TRIM7: variants seen among roughly 807,000 people sequenced by gnomAD.
TRIM7 encodes E3 ubiquitin-protein ligase TRIM7.
In TRIM7, 32 loss-of-function variants were observed where a neutral mutation model predicts 37.9. The observed-to-expected ratio is 0.84, with a 90% CI of 0.64 to 1.13. The LOEUF (loss-of-function observed/expected upper bound fraction) is 1.13, where lower values mean the gene tolerates loss of function less well. TRIM7 is among the 50% of genes most tolerant of loss of function. The pLI is 0.00. For missense variants in TRIM7, 732 were observed against 714.0 expected (o/e 1.03, Z -0.29); for synonymous variants, 351 against 321.3 (o/e 1.09, Z -0.99).
At chr5:181,203,333 A>G (rs1281595703) in intron 2 of TRIM7, 8 of 1,359,684 alleles carry the variant, frequency 5.9e-6, no homozygotes, top group Non-Finnish European at 7.6e-6. Context: ...GTTGTTTTGC[A>G]ATAATTATTT....
At chr5:181,203,246 A>T in intron 2 of TRIM7, 1 of 1,217,806 alleles carries the variant, frequency 8.2e-7, no homozygotes, top group Non-Finnish European at 1.0e-6. Context: ...ATGCTTCCGC[A>T]GGCCCTAACT....
At chr5:181,195,781 T>C in intron 6 of TRIM7, 104 bp from the exon 7 acceptor site, 1 of 1,427,650 alleles carries the variant, frequency 7.0e-7, no homozygotes, top group Non-Finnish European at 9.3e-7. Context: ...TGCCTTTCCC[T>C]CTAGAATCCC....
At chr5:181,203,844 T>A (rs1757658347) in intron 1 of TRIM7, 1 of 1,333,696 alleles carries the variant, frequency 7.5e-7, no homozygotes, top group Non-Finnish European at 9.6e-7. Flanking sequence ...AAGCATCTGC[T>A]GGACCAGCCA....
At position 181,204,936 on chromosome 5, in the gene TRIM7, G is replaced by T. The variant is rs753990124; in HGVS notation, c.175C>A (p.Arg59Ser). 2.8e-6 allele frequency: 4 copies of T among 1,414,442 alleles called. 1 individual carries two copies. The South Asian group carries it at 4.5e-5, about 16-fold the overall frequency. The allele number at this position is 1,414,442 out of a possible 1,614,324, so 87.6% of individuals were successfully genotyped here. The change falls in exon 1 of 7, where the codon CGC becomes AGC. Residue 59 changes from arginine to serine, a missense_variant. By Grantham distance (110) the Arg-to-Ser change is moderately radical (BLOSUM62 -1). Coordinates refer to ENST00000274773, the MANE Select transcript of TRIM7 (RefSeq NM_203293.3). ...GCCCCAACAGACCCCGCGCCCGGGC[G>T]CTCCCAGCAGCGCCCTATGCAGGCG... ...CRACIGRCWE[R>S]PGAGSVGAAT...
chr5:181,198,369 GA>G (rs1757265251), intron 5 of TRIM7, 151 bp from the exon 6 acceptor site: 3 of 837,974 alleles, frequency 3.6e-6, no homozygotes, highest in Non-Finnish European at 5.8e-6. Flanking sequence ...CAAGCATGGG[GA>G]GCGGGGGGCA....
In TRIM7 at chr5:181,198,192, CT is replaced by C; in HGVS notation, c.1014del (p.Glu339ArgfsTer85). The C allele has an allele frequency of 1.2e-6, 2 of 1,614,166 alleles. No individual in the cohort carries two copies. Among genetic ancestry groups the C allele is most frequent in the Non-Finnish European group, 1.7e-6 (2 of 1,180,014 alleles). The stretch of plus-strand genomic sequence containing the variant: ...ACAGCACCATCCCTACCTTTCTCCT[CT>C]TTCTCCAGCTCTCCCCGAAGGTCCT... ...FKEDLRGELE[K>X]EEKVELTLDP... On this transcript the variant is annotated frameshift_variant, in exon 6 of 7. Transcript: ENST00000274773. LOFTEE classifies it low-confidence loss of function (END_TRUNC).
chr5:181,195,346 G>A lies in TRIM7; in HGVS notation c.1356C>T (p.Pro452=). 6.3e-7 allele frequency: 1 copy of A among 1,583,690 alleles called. No individual in the cohort carries two copies. Reference sequence around the variant, plus strand: ...CGCGCGACAGGTGCCCGCAGCTGAGGGGCGACCGCTCGGGGCTGGTCACGG... The same window carrying A: ...CGCGCGACAGGTGCCCGCAGCTGAGAGGCGACCGCTCGGGGCTGGTCACGG... ...YWAVTSPERS[P]LSCGHLSRVR... The change falls in exon 7 of 7, where the codon CCC becomes CCT. Residue 452 remains proline (P), a synonymous_variant. Transcript: ENST00000274773.
At chr5:181,202,178 C>CT (rs71593427) in intron 2 of TRIM7, 2,248 of 131,830 alleles carry the variant, frequency 0.017, 46 homozygotes, top group South Asian at 0.065. Flanking sequence ...TCCTTTCATT[C>CT]TTTTTTTTTT....
At chr5:181,204,059 G>T (rs1396379820) in intron 1 of TRIM7, 9 of 1,000,930 alleles carry the variant, frequency 9.0e-6, no homozygotes, top group Non-Finnish European at 1.1e-5. Context: ...CAAAGAAAGG[G>T]CCCCCAGAAT....
intron 2 of TRIM7, among the ~76,000 whole-genome samples, chr5:181,201,945 A>G (rs1205071034): frequency 6.6e-6 from 1 of 152,154 alleles, no homozygotes; most frequent in Non-Finnish European, 1.5e-5. Context: ...GGAGGGATGA[A>G]GGTCTAGAGG....
Position 181,205,028 on chromosome 5 carries a change from G to C in TRIM7, c.83C>G (p.Thr28Arg), listed in dbSNP as rs1217049680. The C allele has an allele frequency of 1.4e-6, 2 of 1,452,248 alleles. No individual in the cohort carries two copies. Among genetic ancestry groups the C allele is most frequent in the African/African-American group, 3.0e-5 (2 of 67,664 alleles). 90.0% of individuals were successfully genotyped at this position (1,452,248 alleles called of 1,614,324 possible). A position where few individuals can be genotyped will look rare whatever the true frequency, so the allele number is the denominator to read the frequency against. The change falls in exon 1 of 7, where the codon ACG (threonine) becomes AGG (arginine). Residue 28 changes from threonine to arginine, a missense_variant. Transcript: ENST00000274773. ...AAAGAGCTCTAGGCAGATGGAGCACGTCGCCTCGCCCTGCAGCTCTGCCGC... is the reference window on the plus strand; with the variant it reads ...AAAGAGCTCTAGGCAGATGGAGCACCTCGCCTCGCCCTGCAGCTCTGCCGC... ...ALAAELQGEA[T>R]CSICLELFRE... is the part of the protein sequence containing the mutation.
rs1372007037 is a variant in TRIM7 at position 181,204,624 on chromosome 5, C to A, written c.487G>T (p.Val163Leu). 2 of 1,470,346 alleles carry A rather than the reference C, an allele frequency of 1.4e-6. No individual in the cohort carries two copies. Among genetic ancestry groups the A allele is most frequent in the Non-Finnish European group, 1.8e-6 (2 of 1,124,052 alleles). 91.1% of individuals were successfully genotyped at this position (1,470,346 alleles called of 1,614,324 possible). A position where few individuals can be genotyped will look rare whatever the true frequency, so the allele number is the denominator to read the frequency against. The change falls in exon 1 of 7, where the codon GTG becomes TTG. Residue 163 changes from valine to leucine, a missense_variant. Coordinates refer to ENST00000274773, the MANE Select transcript of TRIM7 (RefSeq NM_203293.3). ...TGCACCGCCTCGTCCAGCGGCAGCA[C>A]GGCGTGCTCGCGGTGCTCGCGGGCG... ...DRAREHREHA[V>L]LPLDEAVQEA... is the part of the protein sequence containing the mutation.
rs933396997 is a variant in TRIM7 at position 181,204,914 on chromosome 5, C to G, written c.197G>C (p.Gly66Ala). 79 of 1,385,852 alleles carry G rather than the reference C, an allele frequency of 5.7e-5. No homozygotes were observed. In the African/African-American group the frequency reaches 1.1e-3, roughly 20 times the overall value. 85.8% of individuals were successfully genotyped at this position (1,385,852 alleles called of 1,614,324 possible). A position where few individuals can be genotyped will look rare whatever the true frequency, so the allele number is the denominator to read the frequency against. The change falls in exon 1 of 7, where the codon GGG (glycine) becomes GCG (alanine). Residue 66 changes from glycine (G) to alanine (A), a missense_variant. Physicochemically the swap from Gly to Ala is moderately conservative, Grantham distance 60 (BLOSUM62 0). Transcript: ENST00000274773. Reference sequence around the variant, plus strand: ...GAAGGGGGGCGCGCGGGTGGCGGCCCCAACAGACCCCGCGCCCGGGCGCTC... The same window carrying G: ...GAAGGGGGGCGCGCGGGTGGCGGCCGCAACAGACCCCGCGCCCGGGCGCTC... The part of the protein sequence containing the change: ...CWERPGAGSV[G>A]AATRAPPFPL...
intron 3 of TRIM7, 137 bp from the exon 4 acceptor site, chr5:181,199,254 C>T (rs2545053): frequency 0.097 from 95,490 of 987,180 alleles, 10,626 homozygotes; most frequent in African/African-American, 0.5. Context: ...CTGCGTGGGC[C>T]TCAGGGGCAG....
In TRIM7 at chr5:181,198,180, T is replaced by C; in HGVS notation, c.1024+3A>G. ...ATACTCGCCATCACAGCACCATCCCTACCTTTCTCCTCTTTCTCCAGCTCT... is the reference window on the plus strand; with the variant it reads ...ATACTCGCCATCACAGCACCATCCCCACCTTTCTCCTCTTTCTCCAGCTCT... On this transcript the variant is annotated splice_donor_region_variant and intron_variant, in intron 6 of 6. Transcript: ENST00000274773. 6.2e-7 allele frequency: 1 copy of C among 1,614,106 alleles called. No homozygotes were observed. Among genetic ancestry groups the C allele is most frequent in the Non-Finnish European group, 8.5e-7 (1 of 1,179,986 alleles).
intron 4 of TRIM7, 131 bp from the exon 5 acceptor site, chr5:181,198,936 C>T (rs372813001): frequency 3.3e-6 from 4 of 1,201,356 alleles, no homozygotes; most frequent in East Asian, 2.3e-5. Flanking sequence ...TGCAGAAAAA[C>T]CCATGGCCAG....
chr5:181,195,024 G>A lies in TRIM7; in HGVS notation c.*142C>T, dbSNP rs1028613734. The A allele has an allele frequency of 1.9e-6, 2 of 1,047,972 alleles. No homozygotes were observed. Among genetic ancestry groups the A allele is most frequent in the East Asian group, 5.3e-5 (2 of 37,982 alleles). The allele number at this position is 1,047,972 out of a possible 1,614,324, so 64.9% of individuals were successfully genotyped here. A position where few individuals can be genotyped will look rare whatever the true frequency, so the allele number is the denominator to read the frequency against. On this transcript the variant is annotated 3_prime_UTR_variant, in exon 7 of 7. Transcript: ENST00000274773. ...TTGGCCACAGTCACTCTCCTGCCTC[G>A]GGGTTGTGTCTGTAGCAGGCTCTCT...
At chr5:181,200,152 A>G in intron 2 of TRIM7, 71 bp from the exon 3 acceptor site, 2 of 1,613,186 alleles carry the variant, frequency 1.2e-6, no homozygotes, top group Non-Finnish European at 1.7e-6. Flanking sequence ...GGCCTGAGTC[A>G]TCCCACAGGG....
chr5:181,200,922 A>G, intron 2 of TRIM7: 1 of 985,508 alleles, frequency 1.0e-6, no homozygotes, highest in Non-Finnish European at 1.2e-6. Context: ...GCTTCCAGGC[A>G]GGCTGCAGTA....
Sources: gnomAD v4.1 joint callset for allele counts (sites outside exome capture counted in the v4.1 genomes callset) on GRCh38, gnomAD v4.1.1 for gene constraint, MANE v1.5 for transcripts, NCBI Gene and HGNC (gene_info 2026-07-23, HGNC 2026-07-21) for gene names.